Variants in PRKCH observed in about 807,000 individuals in gnomAD.
The protein encoded by PRKCH is protein kinase C eta type.
In PRKCH, 28 loss-of-function variants were observed where a neutral mutation model predicts 82.5. The observed-to-expected ratio is 0.34, with a 90% confidence interval of 0.25 to 0.47. The LOEUF is 0.47. PRKCH is among the 20% of genes least tolerant of loss of function. The pLI is 1.00. For synonymous variants in PRKCH, 322 were observed against 327.4 expected (o/e 0.98, Z 0.18); for missense variants, 705 against 881.8 (o/e 0.80, Z 2.54).
At chr14:61,190,141 A>G (rs2044398040) in intron 1 of PRKCH, among the ~76,000 whole-genome samples, 3 of 152,212 alleles carry the variant, frequency 2.0e-5, no homozygotes. Context: ...ATTACATATC[A>G]TAATGTACTC....
chr14:61,310,092 C>A (rs1035448392), intron 1 of PRKCH, among the ~76,000 whole-genome samples: 9 of 152,258 alleles, frequency 5.9e-5, no homozygotes, highest in African/African-American at 2.2e-4. Context: ...GATTACAATT[C>A]GAGATGAGAT....
chr14:61,449,286 G>C, intron 5 of PRKCH, 34 bp downstream of exon 5: 4 of 1,542,340 alleles, frequency 2.6e-6, no homozygotes, highest in Non-Finnish European at 3.6e-6. Flanking sequence ...TTAAATGTGC[G>C]TGTGTATTGT....
chr14:61,406,209 T>G lies in PRKCH; in HGVS notation c.427+14921T>G, dbSNP rs1312619588. ...AAACACATACAGGAAAAAAAAAATG[T>G]ACAGGGGAGTGTATTGCTTTGGTGT... is the stretch of plus-strand genomic sequence containing the variant. On this transcript the variant is annotated intron_variant, in intron 2 of 13. Coordinates refer to ENST00000332981, the MANE Select transcript of PRKCH (RefSeq NM_006255.5). Among the ~76,000 whole-genome samples, 7 of 148,882 alleles carry G rather than the reference T, an allele frequency of 4.7e-5. No homozygotes were observed. In the East Asian group the frequency reaches 1.4e-3, roughly 30 times the overall value.
At chr14:61,422,825 A>G (rs917625082) in intron 2 of PRKCH, among the ~76,000 whole-genome samples, 1 of 152,204 alleles carries the variant, frequency 6.6e-6, no homozygotes, top group African/African-American at 2.4e-5. Flanking sequence ...ACATTGCAGT[A>G]GGCTAATCTT....
At chr14:61,402,940 A>T (rs755641491) in intron 2 of PRKCH, among the ~76,000 whole-genome samples, 1 of 151,804 alleles carries the variant, frequency 6.6e-6, no homozygotes, top group Non-Finnish European at 1.5e-5. Flanking sequence ...GGTTAGTTAC[A>T]TATATATACA....
intron 9 of PRKCH, among the ~76,000 whole-genome samples, chr14:61,472,084 C>CG (rs1566901573): frequency 6.6e-6 from 1 of 152,170 alleles, no homozygotes; most frequent in African/African-American, 2.4e-5. Flanking sequence ...CCCCTGAGCT[C>CG]GGGGGAGACA....
intron 1 of PRKCH, among the ~76,000 whole-genome samples, chr14:61,236,468 G>C (rs143380408): frequency 0.015 from 2,210 of 151,626 alleles, 18 homozygotes; most frequent in Middle Eastern, 0.039. Context: ...CCAGCACTTT[G>C]GGAGGCTGAG....
chr14:61,272,340 C>CTTTTTTTTT (rs1335053986), intron 1 of PRKCH, among the ~76,000 whole-genome samples: 3 of 97,836 alleles, frequency 3.1e-5, no homozygotes, highest in Non-Finnish European at 5.7e-5. Context: ...TTTCTTTTTT[C>CTTTTTTTTT]TTTCTTTTTT....
chr14:61,354,404 T>TTGTGTGTGTG lies in PRKCH; in HGVS notation c.363+31966_363+31975dup, dbSNP rs3028729. ...ACCATCTTCTTATTGCTGTTTCTAT[T>TTGTGTGTGTG]TGTGTGTGTGTGTGTGTGTGTGTGT... On this transcript the variant is annotated intron_variant, in intron 1 of 13. Coordinates refer to ENST00000332981, the MANE Select transcript of PRKCH (RefSeq NM_006255.5). 1.9e-3 allele frequency among the ~76,000 whole-genome samples: 287 copies of TTGTGTGTGTG among 148,444 alleles called. 2 individuals are homozygous for TTGTGTGTGTG. The highest frequency in any genetic ancestry group is 6.7e-3 in the African/African-American group (269 of 40,358).
chr14:61,212,835 A>G (rs1348579921), intron 1 of PRKCH, among the ~76,000 whole-genome samples: 2 of 152,238 alleles, frequency 1.3e-5, no homozygotes, highest in South Asian at 4.1e-4. Context: ...TAAAGGCAGC[A>G]CTGAGTGCTC....
chr14:61,377,267 C>T (rs1404844804), intron 1 of PRKCH, among the ~76,000 whole-genome samples: 1 of 152,196 alleles, frequency 6.6e-6, no homozygotes, highest in Non-Finnish European at 1.5e-5. Flanking sequence ...AGTGAATTTG[C>T]TTTTTCTTTT....
At chr14:61,404,892 G>T (rs1015541242) in intron 2 of PRKCH, among the ~76,000 whole-genome samples, 4 of 152,104 alleles carry the variant, frequency 2.6e-5, no homozygotes, top group Non-Finnish European at 4.4e-5. Context: ...GAGGTCAGGG[G>T]AGGTGCCCAC....
chr14:61,308,241 T>C (rs561666373), intron 1 of PRKCH, among the ~76,000 whole-genome samples: 3 of 152,198 alleles, frequency 2.0e-5, no homozygotes, highest in Non-Finnish European at 2.9e-5. Context: ...CTAAGAAACA[T>C]AGCTTGTGCA....
At chr14:61,391,109 T>C (rs2046672855) in intron 1 of PRKCH, 116 bp from the exon 2 acceptor site, 11 of 798,446 alleles carry the variant, frequency 1.4e-5, no homozygotes, top group African/African-American at 1.9e-5. Context: ...AAGACTTAGA[T>C]TTATTTGATT....
chr14:61,305,578 A>G (rs2045480642), intron 1 of PRKCH: 1 of 152,174 alleles, frequency 6.6e-6, no homozygotes, highest in South Asian at 2.1e-4. Context: ...TATAATTTCT[A>G]TTGCTCTCTG....
intron 1 of PRKCH, among the ~76,000 whole-genome samples, chr14:61,383,725 G>A (rs1016685425): frequency 1.3e-5 from 2 of 151,914 alleles, no homozygotes; most frequent in Non-Finnish European, 2.9e-5. Flanking sequence ...AGAGAGACAG[G>A]TTTTCCAAGC....
chr14:61,194,115 C>T (rs138719049), intron 1 of PRKCH, among the ~76,000 whole-genome samples: 2,285 of 152,026 alleles, frequency 0.015, 20 homozygotes, highest in Non-Finnish European at 0.021. Context: ...GTTCCATTTC[C>T]TACTCTCTAT....
chr14:61,467,339 C>T lies in PRKCH; in HGVS notation c.1278+9660C>T, dbSNP rs374589410. Among the ~76,000 whole-genome samples, 5 of 152,328 alleles carry T rather than the reference C, an allele frequency of 3.3e-5. No homozygotes were observed. In the East Asian group the frequency reaches 7.7e-4, roughly 24 times the overall value. On this transcript the variant is annotated intron_variant, in intron 9 of 13. Coordinates refer to ENST00000332981, the MANE Select transcript of PRKCH (RefSeq NM_006255.5). ...GGCCAACGTACCTTTAGGGAGTGCC[C>T]CTCCAGCTGGCTTCAACATGTGGGG...
chr14:61,460,259 T>G (rs2140298976), intron 9 of PRKCH, among the ~76,000 whole-genome samples: 3 of 152,326 alleles, frequency 2.0e-5, no homozygotes, highest in Middle Eastern at 6.8e-3. Context: ...TTTTAGAACA[T>G]GACATAATTA....
Sources: allele counts gnomAD v4.1 joint callset (sites outside exome capture counted in the v4.1 genomes callset), GRCh38; gene constraint gnomAD v4.1.1; transcripts MANE v1.5; gene names NCBI Gene and HGNC (gene_info 2026-07-23, HGNC 2026-07-21).